AFF3: variants seen among roughly 807,000 people sequenced by gnomAD.
AFF3 encodes ALF transcription elongation factor 3, also known as AF4/FMR2 family member 3.
Under a neutral mutation model 129.7 loss-of-function variants are expected in AFF3, and 32 were observed. The ratio of observed to expected loss-of-function variants is 0.25; its 90% CI spans 0.19 to 0.33. The LOEUF is 0.33. AFF3 is among the 10% of genes least tolerant of loss of function. AFF3 has a pLI of 1.00. For synonymous variants in AFF3, 644 were observed against 635.4 expected, an observed-to-expected ratio of 1.01 and a Z score of -0.20; for missense variants, 1,373 against 1,592.0, an observed-to-expected ratio of 0.86 and a Z score of 2.34.
chr2:99,734,464 C>T (rs191936287), intron 10 of AFF3, among the ~76,000 whole-genome samples: 39 of 152,026 alleles, frequency 2.6e-4, no homozygotes, highest in Middle Eastern at 3.4e-3. Flanking sequence ...TTGAGGGGAA[C>T]GCTGCAAATG....
intron 18 of AFF3, among the ~76,000 whole-genome samples, chr2:99,576,724 A>G (rs1677036410): frequency 6.6e-6 from 1 of 152,168 alleles, no homozygotes; most frequent in Admixed American, 6.5e-5. Context: ...CTCAGGGTCT[A>G]ATGCTCCTTC....
At chr2:99,738,436 G>A (rs1313742836) in intron 10 of AFF3, among the ~76,000 whole-genome samples, 2 of 149,302 alleles carry the variant, frequency 1.3e-5, no homozygotes, top group Non-Finnish European at 3.0e-5. Context: ...CATTTGTTCT[G>A]TAATTACCTC....
intron 10 of AFF3, among the ~76,000 whole-genome samples, chr2:99,730,667 A>G (rs1255958713): frequency 3.3e-5 from 5 of 151,870 alleles, no homozygotes; most frequent in Middle Eastern, 3.2e-3. Context: ...GGTGCCTGCC[A>G]CCATGCCCGG....
At chr2:99,729,918 G>A (rs1442423639) in intron 10 of AFF3, among the ~76,000 whole-genome samples, 5 of 151,950 alleles carry the variant, frequency 3.3e-5, no homozygotes, top group Non-Finnish European at 7.4e-5. Context: ...GCTGGGTGCA[G>A]GGAAGCCATT....
chr2:99,672,213 CACACACACACACACACACAT>C (rs1454048859), intron 12 of AFF3, among the ~76,000 whole-genome samples: 3 of 29,820 alleles, frequency 1.0e-4, no homozygotes. Flanking sequence ...CACACACACA[CACACACACACACACACACAT>C]GAATAAATAA....
At chr2:99,714,768 A>G (rs1411372547) in intron 11 of AFF3, among the ~76,000 whole-genome samples, 9 of 152,200 alleles carry the variant, frequency 5.9e-5, no homozygotes, top group Non-Finnish European at 1.2e-4. Flanking sequence ...AGATTTCTTT[A>G]TATGTTTAGC....
At chr2:99,573,262 T>C (rs112089154) in intron 18 of AFF3, among the ~76,000 whole-genome samples, 8 of 151,614 alleles carry the variant, frequency 5.3e-5, no homozygotes, top group Non-Finnish European at 8.8e-5. Flanking sequence ...CTTCATTTCT[T>C]TCTCTCTCTC....
intron 11 of AFF3, among the ~76,000 whole-genome samples, chr2:99,692,144 T>C (rs1250284636): frequency 6.6e-6 from 1 of 152,224 alleles, no homozygotes; most frequent in African/African-American, 2.4e-5. Context: ...TGGCTGCCTC[T>C]GCAGCCCTGG....
chr2:99,879,132 G>T (rs554756603), intron 7 of AFF3, among the ~76,000 whole-genome samples: 1 of 152,142 alleles, frequency 6.6e-6, no homozygotes, highest in Non-Finnish European at 1.5e-5. Context: ...CATAAAGCAC[G>T]CAGTTCTAAA....
At chr2:100,039,636 G>C (rs1023247489) in intron 4 of AFF3, among the ~76,000 whole-genome samples, 2 of 152,034 alleles carry the variant, frequency 1.3e-5, no homozygotes, top group Non-Finnish European at 2.9e-5. Context: ...TTAATCTTCT[G>C]CGTGGGTCCA....
At chr2:99,895,743 GC>G in intron 7 of AFF3, among the ~76,000 whole-genome samples, 1 of 152,180 alleles carries the variant, frequency 6.6e-6, no homozygotes, top group East Asian at 1.9e-4. Context: ...AACCATATTT[GC>G]ACATTCTCCA....
rs552933652 is a variant in AFF3, at chr2:100,110,862, GTC to G, written c.-144-5281_-144-5280del. The stretch of plus-strand genomic sequence containing the variant: ...CCAGCTGACATAACTGTATTTTCTA[GTC>G]TCTCTTATTGCAAGAACTGGGCATA... On this transcript the variant is annotated intron_variant, in intron 2 of 24. Transcript: ENST00000672756. 2.0e-4 allele frequency among the ~76,000 whole-genome samples: 30 copies of G among 152,310 alleles called. No homozygotes were observed. In the East Asian group the frequency reaches 5.6e-3, roughly 28 times the overall value.
chr2:99,591,408 A>T (rs1392869183), intron 15 of AFF3, among the ~76,000 whole-genome samples: 1 of 152,070 alleles, frequency 6.6e-6, no homozygotes, highest in African/African-American at 2.4e-5. Context: ...GCTGGTCTTG[A>T]ACTCCTGAGC....
chr2:99,593,065 A>G, intron 15 of AFF3, 130 bp downstream of exon 15: 2 of 1,011,080 alleles, frequency 2.0e-6, no homozygotes, highest in South Asian at 3.5e-5. Context: ...TTAGGTAAGG[A>G]CACACAAAAC....
chr2:99,916,549 G>A (rs1251456714), intron 7 of AFF3, among the ~76,000 whole-genome samples: 2 of 152,114 alleles, frequency 1.3e-5, no homozygotes, highest in East Asian at 3.9e-4. Flanking sequence ...TGGCAAAGAT[G>A]GAGAGAGGCC....
chr2:99,871,722 C>G (rs1411571912), intron 7 of AFF3, among the ~76,000 whole-genome samples: 1 of 152,102 alleles, frequency 6.6e-6, no homozygotes, highest in African/African-American at 2.4e-5. Context: ...ACACTGGGGA[C>G]TCCAAAACAT....
chr2:99,684,910 C>G (rs911434019), intron 11 of AFF3, among the ~76,000 whole-genome samples: 5 of 151,796 alleles, frequency 3.3e-5, no homozygotes, highest in Non-Finnish European at 5.9e-5. Context: ...CTCAAAAAAA[C>G]TCACTATATA....
chr2:99,898,322 T>C (rs1694115126), intron 7 of AFF3, among the ~76,000 whole-genome samples: 1 of 152,168 alleles, frequency 6.6e-6, no homozygotes, highest in South Asian at 2.1e-4. Context: ...CATCTCACTT[T>C]ACCATCACTC....
At chr2:99,707,485 G>A (rs1161229081) in intron 11 of AFF3, 4 of 985,192 alleles carry the variant, frequency 4.1e-6, no homozygotes, top group African/African-American at 1.7e-5. Context: ...GGTTATCCAC[G>A]AAGTTTCAAA....
Sources: allele counts gnomAD v4.1 joint callset (sites outside exome capture counted in the v4.1 genomes callset), GRCh38; gene constraint gnomAD v4.1.1; transcripts MANE v1.5; gene names NCBI Gene and HGNC (gene_info 2026-07-23, HGNC 2026-07-21).